CSMD1: variants seen among roughly 807,000 people sequenced by gnomAD.
CSMD1 encodes CUB and Sushi multiple domains 1.
Under a neutral mutation model 417.5 loss-of-function variants are expected in CSMD1, and 213 were observed. The ratio of observed to expected loss-of-function variants is 0.51; its 90% confidence interval spans 0.46 to 0.57. The LOEUF is 0.57. Among genes scored for constraint, CSMD1 ranks in the 20% least tolerant of loss-of-function variants. The probability of loss-of-function intolerance (pLI) is 0.00; values close to 1 mark genes in which losing one functional copy is unlikely to be tolerated. For synonymous variants in CSMD1, 2,862 were observed against 1,736.8 expected (o/e 1.65, Z -16.11); for missense variants, 6,923 against 4,529.7 (o/e 1.53, Z -15.17).
chr8:3,785,378 C>T (rs1208534379), intron 5 of CSMD1, among the ~76,000 whole-genome samples: 1 of 152,146 alleles, frequency 6.6e-6, no homozygotes, highest in Non-Finnish European at 1.5e-5. Context: ...TTTCATTCCA[C>T]ACCTGGCCAT....
chr8:4,443,212 T>C (rs1016857249), intron 2 of CSMD1, among the ~76,000 whole-genome samples: 6 of 152,202 alleles, frequency 3.9e-5, no homozygotes, highest in Admixed American at 3.3e-4. Flanking sequence ...AGGTGTTCAA[T>C]TTTTATTTGT....
chr8:3,613,487 A>G lies in CSMD1; in HGVS notation c.1097+3223T>C, dbSNP rs535176065. Among the ~76,000 whole-genome samples the G allele has an allele frequency of 2.0e-5, 3 of 152,202 alleles. No individual in the cohort carries two copies. The East Asian group carries it at 5.8e-4, about 29-fold the overall frequency. On this transcript the variant is annotated intron_variant, in intron 8 of 69. Coordinates refer to ENST00000635120, the MANE Select transcript of CSMD1 (RefSeq NM_033225.6). ...ACAGCCTATCATAACTCATAAAAAT[A>G]CCTGTAAAAAAACTAAACAACATTT... is the stretch of plus-strand genomic sequence containing the variant.
At chr8:3,764,735 CTTTCTTTTTTT>C (rs1798178439) in intron 5 of CSMD1, among the ~76,000 whole-genome samples, 1 of 105,406 alleles carries the variant, frequency 9.5e-6, no homozygotes. Context: ...GCCCTTTTCT[CTTTCTTTTTTT>C]TTTTTTTTTT....
At chr8:3,337,634 T>C (rs1267092828) in intron 23 of CSMD1, among the ~76,000 whole-genome samples, 1 of 152,046 alleles carries the variant, frequency 6.6e-6, no homozygotes, top group Non-Finnish European at 1.5e-5. Context: ...GACAGAGAGG[T>C]CCATGGCCTT....
chr8:4,178,420 G>T (rs1798176176), intron 3 of CSMD1, among the ~76,000 whole-genome samples: 1 of 150,894 alleles, frequency 6.6e-6, no homozygotes, highest in African/African-American at 2.4e-5. Flanking sequence ...AGGTATTGAT[G>T]GGACGTATCT....
intron 51 of CSMD1, among the ~76,000 whole-genome samples, chr8:3,027,184 G>T (rs1348119583): frequency 6.6e-6 from 1 of 151,872 alleles, no homozygotes; most frequent in Non-Finnish European, 1.5e-5. Flanking sequence ...CAGGCCTTTT[G>T]GGGGGAAAAA....
At chr8:4,971,840 A>G (rs1419393890) in intron 1 of CSMD1, among the ~76,000 whole-genome samples, 1 of 152,086 alleles carries the variant, frequency 6.6e-6, no homozygotes, top group Non-Finnish European at 1.5e-5. Flanking sequence ...TGTCTCATTA[A>G]TTTTAATTCA....
chr8:4,261,599 G>A (rs1162407417), intron 3 of CSMD1, among the ~76,000 whole-genome samples: 1 of 151,926 alleles, frequency 6.6e-6, no homozygotes, highest in Non-Finnish European at 1.5e-5. Flanking sequence ...TTATAGAGAT[G>A]AGGTCTTGCT....
intron 33 of CSMD1, among the ~76,000 whole-genome samples, chr8:3,193,881 T>A (rs376373358): frequency 6.6e-6 from 1 of 152,198 alleles, no homozygotes; most frequent in Non-Finnish European, 1.5e-5. Context: ...TGCTCTAAGC[T>A]ACAGATACAT....
chr8:4,578,209 G>A (rs964686302), intron 2 of CSMD1, among the ~76,000 whole-genome samples: 3 of 151,978 alleles, frequency 2.0e-5, no homozygotes, highest in African/African-American at 7.3e-5. Flanking sequence ...TGCCCACGCT[G>A]GAGTGCAGTG....
chr8:4,756,052 C>CTCCA (rs1218351227), intron 1 of CSMD1, among the ~76,000 whole-genome samples: 2 of 152,192 alleles, frequency 1.3e-5, no homozygotes, highest in African/African-American at 2.4e-5. Flanking sequence ...AATGCTAAAT[C>CTCCA]TCCAACCTTT....
chr8:3,409,944 C>T (rs973160121), intron 12 of CSMD1, among the ~76,000 whole-genome samples: 1 of 152,164 alleles, frequency 6.6e-6, no homozygotes, highest in African/African-American at 2.4e-5. Context: ...AATGCAAATA[C>T]CAGTTTAATT....
chr8:4,397,794 T>C (rs1028693878), intron 3 of CSMD1, among the ~76,000 whole-genome samples: 10 of 152,170 alleles, frequency 6.6e-5, no homozygotes, highest in Admixed American at 6.5e-5. Context: ...TGTATCTCAA[T>C]ATTACATGCT....
intron 1 of CSMD1, among the ~76,000 whole-genome samples, chr8:4,921,016 GAAAGA>G (rs1806455060): frequency 1.4e-5 from 1 of 69,878 alleles, no homozygotes; most frequent in Non-Finnish European, 3.1e-5. Context: ...AGAAAGAAAA[GAAAGA>G]AAGGAAGAAA....
At chr8:4,195,476 G>A (rs536779888) in intron 3 of CSMD1, among the ~76,000 whole-genome samples, 14 of 152,258 alleles carry the variant, frequency 9.2e-5, no homozygotes, top group Non-Finnish European at 1.5e-4. Context: ...TGTGCTCCTC[G>A]TGAGTCTCAC....
intron 2 of CSMD1, among the ~76,000 whole-genome samples, chr8:4,614,806 T>C (rs995721003): frequency 2.0e-5 from 3 of 152,272 alleles, no homozygotes; most frequent in African/African-American, 7.2e-5. Context: ...AATGCATATA[T>C]TCTTAAAAGA....
intron 23 of CSMD1, among the ~76,000 whole-genome samples, chr8:3,330,222 G>T (rs1159897733): frequency 6.6e-6 from 1 of 152,094 alleles, no homozygotes; most frequent in African/African-American, 2.4e-5. Flanking sequence ...AACAATGAAG[G>T]AACATATGGT....
intron 1 of CSMD1, among the ~76,000 whole-genome samples, chr8:4,869,955 A>G (rs956080813): frequency 2.0e-5 from 3 of 152,096 alleles, no homozygotes; most frequent in Non-Finnish European, 2.9e-5. Context: ...CAATAATCTT[A>G]TAATTGGTTA....
intron 5 of CSMD1, among the ~76,000 whole-genome samples, chr8:3,951,591 C>T (rs1056934839): frequency 3.6e-4 from 54 of 151,842 alleles, no homozygotes; most frequent in African/African-American, 1.1e-3. Context: ...TAGAAAACAA[C>T]GAGAGAAATA....
Sources: allele counts gnomAD v4.1 joint callset (sites outside exome capture counted in the v4.1 genomes callset), GRCh38; gene constraint gnomAD v4.1.1; transcripts MANE v1.5; gene names NCBI Gene and HGNC (gene_info 2026-07-23, HGNC 2026-07-21).